The following HK3 variants were observed in gnomAD, a reference collection of about 807,000 sequenced individuals.
HK3 encodes hexokinase 3, also known as hexokinase-3.
HK3 carries 93 observed loss-of-function variants against 91.0 expected under a neutral mutation model. The observed-to-expected ratio is 1.02, with a 90% CI of 0.86 to 1.21. The LOEUF (loss-of-function observed/expected upper bound fraction) is 1.21, where lower values mean the gene tolerates loss of function less well. Among genes scored for constraint, HK3 ranks in the 50% most tolerant of loss-of-function variants. HK3 has a pLI of 0.00. For synonymous variants in HK3, 519 were observed against 516.9 expected (o/e 1.00, Z -0.06); for missense variants, 1,235 against 1,247.4 (o/e 0.99, Z 0.15).
Position 176,890,632 on chromosome 5 carries a change from C to G in HK3, c.630+3G>C. On this transcript the variant is annotated splice_donor_region_variant and intron_variant, in intron 6 of 18. Coordinates refer to ENST00000292432, the MANE Select transcript of HK3 (RefSeq NM_002115.3). ...CCCTCCTGTCACCCCTCCCTCCACT[C>G]ACCCCCTGCCTCCGAATGGCATCTC... 6.2e-7 allele frequency: 1 copy of G among 1,613,780 alleles called. No homozygotes were observed. The highest frequency in any genetic ancestry group is 8.5e-7 in the Non-Finnish European group (1 of 1,179,658).
intron 15 of HK3, among the ~76,000 whole-genome samples, chr5:176,883,036 C>T (rs113615563): frequency 3.3e-5 from 5 of 152,348 alleles, no homozygotes; most frequent in African/African-American, 7.2e-5. Flanking sequence ...TCTTTCAGGG[C>T]TTTCAAGTTC....
At chr5:176,881,882 C>CA (rs1178760148) in intron 16 of HK3, 35 bp from the exon 17 acceptor site, 1 of 1,612,208 alleles carries the variant, frequency 6.2e-7, no homozygotes, top group African/African-American at 1.3e-5. Context: ...CAGAAGGCCC[C>CA]ACCAGCCACC....
chr5:176,883,666 C>T, intron 15 of HK3, 104 bp downstream of exon 15: 1 of 905,562 alleles, frequency 1.1e-6, no homozygotes, highest in Non-Finnish European at 1.8e-6. Flanking sequence ...CAGACCAGAG[C>T]AATCCCACAT....
intron 18 of HK3, 23 bp downstream of exon 18, chr5:176,881,279 C>G (rs770941061): frequency 1.2e-6 from 2 of 1,613,640 alleles, no homozygotes; most frequent in Non-Finnish European, 1.7e-6. Context: ...ACCTCCCTCC[C>G]CAGCCCGCAC....
chr5:176,883,870 C>T lies in HK3; in HGVS notation c.1954-1G>A. ...TGGCAACCACATTCAGCTCCACTGC[C>T]TGCACACAAAAGGATGCTGCTAGTT... On this transcript the variant is annotated splice_acceptor_variant, in intron 14 of 18. Coordinates refer to ENST00000292432, the MANE Select transcript of HK3 (RefSeq NM_002115.3). LOFTEE classifies it high-confidence loss of function. 1 of 1,614,018 alleles carries T rather than the reference C, an allele frequency of 6.2e-7. No individual in the cohort carries two copies. The highest frequency in any genetic ancestry group is 8.5e-7 in the Non-Finnish European group (1 of 1,179,930).
In HK3 at chr5:176,887,342, G is replaced by T; in HGVS notation, c.1601-5C>A. The T allele has an allele frequency of 6.2e-7, 1 of 1,613,884 alleles. No individual in the cohort carries two copies. The highest frequency in any genetic ancestry group is 1.7e-5 in the Admixed American group (1 of 60,016). ...GGGCCAGGAAATCCCCTCGCTCTGT[G>T]GGGGCAGAGACCCTCAGTGCCGGGA... is the stretch of plus-strand genomic sequence containing the variant. On this transcript the variant is annotated splice_region_variant and splice_polypyrimidine_tract_variant and intron_variant, in intron 11 of 18. Coordinates refer to ENST00000292432, the MANE Select transcript of HK3 (RefSeq NM_002115.3). This position sits in a 1 kb window ranked among gnomAD's most constrained non-coding sequence, Gnocchi z 4.9.
chr5:176,889,870 C>A, intron 6 of HK3, 126 bp from the exon 7 acceptor site: 1 of 722,112 alleles, frequency 1.4e-6, no homozygotes, highest in Non-Finnish European at 2.4e-6. Flanking sequence ...CACATGTCTG[C>A]ATGCCACACA....
Position 176,891,472 on chromosome 5 carries a change from C to G in HK3, c.175G>C (p.Glu59Gln), listed in dbSNP as rs202189125. ...QIQASLLGSM[E>Q]QALRGQASPA... Reference sequence around the variant, plus strand: ...CTGGCCTGTCCCCTCAGCGCCTGCTCCATGGAACCCAAGAGGCTGGCTTGG... The same window carrying G: ...CTGGCCTGTCCCCTCAGCGCCTGCTGCATGGAACCCAAGAGGCTGGCTTGG... Residue 59 changes from glutamate to glutamine, a missense_variant, in exon 3 of 19, where the codon GAG becomes CAG. Around this residue, in one of 3 missense-constraint regions of HK3, gnomAD observed 717 missense variants for 751.6 expected, o/e 0.95. Coordinates refer to ENST00000292432, the MANE Select transcript of HK3 (RefSeq NM_002115.3). The G allele has an allele frequency of 1.4e-5, 22 of 1,614,186 alleles. No individual in the cohort carries two copies. Among genetic ancestry groups the G allele is most frequent in the Middle Eastern group, 3.3e-4 (2 of 6,060 alleles).
intron 13 of HK3, among the ~76,000 whole-genome samples, chr5:176,885,347 G>T (rs1294757894): frequency 6.6e-6 from 1 of 152,226 alleles, no homozygotes; most frequent in African/African-American, 2.4e-5. Flanking sequence ...AGCAAAGGCT[G>T]CTGCAGAGCC....
intron 13 of HK3, among the ~76,000 whole-genome samples, chr5:176,885,974 C>T (rs1433110568): frequency 2.0e-5 from 3 of 151,970 alleles, no homozygotes; most frequent in East Asian, 2.0e-4. Flanking sequence ...CGGTGGCTCA[C>T]GCCTGTAATC....
chr5:176,894,279 C>G (rs572637532), intron 2 of HK3, among the ~76,000 whole-genome samples: 89 of 152,288 alleles, frequency 5.8e-4, no homozygotes, highest in Non-Finnish European at 1.0e-3. Flanking sequence ...TAACTTTTTT[C>G]AACCTAAGGT....
intron 2 of HK3, 137 bp from the exon 3 acceptor site, chr5:176,891,687 C>G (rs1489267996): frequency 3.6e-6 from 3 of 833,016 alleles, no homozygotes; most frequent in Non-Finnish European, 5.5e-6. Context: ...TTGCCAACAG[C>G]CTGCACCCAG....
intron 8 of HK3, 132 bp downstream of exon 8, chr5:176,889,249 G>T (rs1381678113): frequency 5.9e-6 from 6 of 1,022,472 alleles, no homozygotes; most frequent in Non-Finnish European, 8.6e-6. Context: ...AGGGCCCCCA[G>T]GTTGCTCCCT....
At chr5:176,885,503 C>T (rs2149374173) in intron 13 of HK3, among the ~76,000 whole-genome samples, 1 of 152,228 alleles carries the variant, frequency 6.6e-6, no homozygotes, top group East Asian at 1.9e-4. Flanking sequence ...CTCACTGCAA[C>T]CTCTGCCTCC....
chr5:176,883,089 G>A lies in HK3; in HGVS notation c.2053+681C>T, dbSNP rs190032097. 3.3e-5 allele frequency among the ~76,000 whole-genome samples: 5 copies of A among 152,332 alleles called. No individual in the cohort carries two copies. The East Asian group carries it at 7.7e-4, about 23-fold the overall frequency. On this transcript the variant is annotated intron_variant, in intron 15 of 18. Coordinates refer to ENST00000292432, the MANE Select transcript of HK3 (RefSeq NM_002115.3). ...ACTCCTTCCTGATCTTGGCCTCGCT[G>A]CTGCCCACGTGTAGAATCAAGTCAC... is the stretch of plus-strand genomic sequence containing the variant.
intron 2 of HK3, among the ~76,000 whole-genome samples, chr5:176,893,168 C>G (rs999444072): frequency 6.6e-6 from 1 of 152,102 alleles, no homozygotes; most frequent in African/African-American, 2.4e-5. Context: ...ACGGAGACTC[C>G]GAGAGGGCAA....
At chr5:176,881,905 G>A (rs779360574) in intron 16 of HK3, 39 bp downstream of exon 16, 20 of 1,612,046 alleles carry the variant, frequency 1.2e-5, no homozygotes, top group Admixed American at 8.3e-5. Context: ...CCCCAGCACC[G>A]GTCACAGCCA....
At position 176,884,158 on chromosome 5, in the gene HK3, G is replaced by A. The variant is rs779094740; in HGVS notation, c.1858-24C>T. On this transcript the variant is annotated intron_variant, in intron 13 of 18. Transcript: ENST00000292432. The surrounding 1 kb of genome is among the most constrained non-coding windows in gnomAD (Gnocchi z 4.1). ...CCCTGGGGTGAGACCGAGAGGAAGTGGCAGGAAGCTGGAGGCCCCTTCAGG... is the reference window on the plus strand; with the variant it reads ...CCCTGGGGTGAGACCGAGAGGAAGTAGCAGGAAGCTGGAGGCCCCTTCAGG... 1 of 1,601,890 alleles carries A rather than the reference G, an allele frequency of 6.2e-7. No homozygotes were observed. The highest frequency in any genetic ancestry group is 1.1e-5 in the South Asian group (1 of 90,826).
intron 15 of HK3, among the ~76,000 whole-genome samples, chr5:176,882,620 C>CT (rs1758471841): frequency 6.6e-6 from 1 of 152,194 alleles, no homozygotes; most frequent in Admixed American, 6.5e-5. Flanking sequence ...AGCCTCTGTG[C>CT]CCCCGTGGAA....
Sources: gnomAD v4.1 joint callset for allele counts (sites outside exome capture counted in the v4.1 genomes callset) on GRCh38, gnomAD v4.1.1 for gene constraint, gnomAD v4.1.1 regional missense constraint, Gnocchi (gnomAD v3.1) non-coding constraint, MANE v1.5 for transcripts, NCBI Gene and HGNC (gene_info 2026-07-23, HGNC 2026-07-21) for gene names.